CCSER1: variants seen among roughly 807,000 people sequenced by gnomAD.
The protein encoded by CCSER1 is coiled-coil serine rich protein 1.
A neutral mutation model predicts 82.0 loss-of-function variants in CCSER1; 41 were observed. The observed-to-expected ratio is 0.50, with a 90% confidence interval of 0.39 to 0.65. CCSER1 has a LOEUF of 0.65. Ranked by LOEUF, CCSER1 falls within the 30% of genes least tolerant of loss-of-function variation. CCSER1 has a pLI of 0.00. For missense variants in CCSER1, 1,119 were observed against 1,064.2 expected (o/e 1.05, Z -0.72); for synonymous variants, 414 against 383.9 (o/e 1.08, Z -0.92).
chr4:90,572,840 C>A (rs954822484), intron 5 of CCSER1, among the ~76,000 whole-genome samples: 1 of 152,096 alleles, frequency 6.6e-6, no homozygotes, highest in African/African-American at 2.4e-5. Flanking sequence ...TTAGGTTTAG[C>A]CATTGATACC....
At chr4:90,651,206 A>G (rs1347497169) in intron 6 of CCSER1, among the ~76,000 whole-genome samples, 3 of 152,224 alleles carry the variant, frequency 2.0e-5, no homozygotes, top group African/African-American at 7.2e-5. Flanking sequence ...AGCCAAATTC[A>G]TTCTTTATTC....
At chr4:90,717,640 C>G (rs1741861170) in intron 6 of CCSER1, among the ~76,000 whole-genome samples, 1 of 151,944 alleles carries the variant, frequency 6.6e-6, no homozygotes, top group Non-Finnish European at 1.5e-5. Flanking sequence ...GAGTCCAGGC[C>G]TCTTGGCTTC....
chr4:91,482,627 A>G lies in CCSER1; in HGVS notation c.2218-115945A>G, dbSNP rs1436947140. Among the ~76,000 whole-genome samples the G allele has an allele frequency of 2.0e-5, 3 of 152,064 alleles. No individual in the cohort carries two copies. In the East Asian group the frequency reaches 5.8e-4, roughly 29 times the overall value. ...CCAAAGGATTATAAATCATGCTGCT[A>G]TAAAGACACATGCACACGTATATAT... On this transcript the variant is annotated intron_variant, in intron 10 of 10. Transcript: ENST00000509176.
intron 10 of CCSER1, among the ~76,000 whole-genome samples, chr4:91,302,459 A>G (rs943464031): frequency 6.6e-6 from 1 of 151,758 alleles, no homozygotes; most frequent in Admixed American, 6.6e-5. Flanking sequence ...TTCTATAATC[A>G]CTTCTTGACT....
chr4:90,451,260 T>C (rs1213458128), intron 4 of CCSER1, among the ~76,000 whole-genome samples: 1 of 152,158 alleles, frequency 6.6e-6, no homozygotes, highest in Admixed American at 6.5e-5. Flanking sequence ...AGCCTTTCTC[T>C]GTTCATCATG....
In CCSER1 at chr4:90,410,602, C is replaced by T. The variant is rs192571173; in HGVS notation, c.1603+10473C>T. ...CCAACGAGAACAAAGACACAACATA[C>T]GAGCATCTCTGGGACACATTCAAAG... On this transcript the variant is annotated intron_variant, in intron 4 of 10. Transcript: ENST00000509176. Among the ~76,000 whole-genome samples the T allele has an allele frequency of 9.2e-5, 14 of 152,154 alleles. No individual in the cohort carries two copies. In the East Asian group the frequency reaches 1.9e-3, roughly 21 times the overall value.
chr4:91,105,321 C>G (rs1725495803), intron 10 of CCSER1, among the ~76,000 whole-genome samples: 1 of 152,092 alleles, frequency 6.6e-6, no homozygotes, highest in South Asian at 2.1e-4. Context: ...TCCTCTTTGC[C>G]CTCTGCTATT....
chr4:90,760,267 A>G (rs2149516685), intron 7 of CCSER1, among the ~76,000 whole-genome samples: 1 of 152,124 alleles, frequency 6.6e-6, no homozygotes, highest in East Asian at 1.9e-4. Context: ...TGCTGACTGT[A>G]CATAATTTTA....
At chr4:91,500,563 A>T (rs1338389075) in intron 10 of CCSER1, among the ~76,000 whole-genome samples, 1 of 151,882 alleles carries the variant, frequency 6.6e-6, no homozygotes, top group Non-Finnish European at 1.5e-5. Flanking sequence ...AATTTTTGTG[A>T]ATGTTTCATG....
At chr4:91,491,930 A>G (rs1241079396) in intron 10 of CCSER1, among the ~76,000 whole-genome samples, 1 of 149,642 alleles carries the variant, frequency 6.7e-6, no homozygotes, top group African/African-American at 2.4e-5. Flanking sequence ...AGAGGAGTAG[A>G]ATAAGTCATT....
At chr4:91,379,245 T>A (rs368997949) in intron 10 of CCSER1, among the ~76,000 whole-genome samples, 1 of 151,970 alleles carries the variant, frequency 6.6e-6, no homozygotes, top group South Asian at 2.1e-4. Context: ...GGCTTTGGTA[T>A]CAGGATGATG....
chr4:91,586,017 G>T (rs530816171), intron 10 of CCSER1, among the ~76,000 whole-genome samples: 1 of 151,754 alleles, frequency 6.6e-6, no homozygotes, highest in East Asian at 1.9e-4. Flanking sequence ...TAATGGTGTT[G>T]AACTAGAGGG....
intron 10 of CCSER1, among the ~76,000 whole-genome samples, chr4:91,113,324 C>T (rs1726250422): frequency 1.3e-5 from 2 of 152,172 alleles, no homozygotes; most frequent in Admixed American, 1.3e-4. Context: ...ATGTCACTAG[C>T]ACATTTCTGA....
At chr4:91,424,607 A>G (rs947428398) in intron 10 of CCSER1, among the ~76,000 whole-genome samples, 1 of 152,154 alleles carries the variant, frequency 6.6e-6, no homozygotes, top group South Asian at 2.1e-4. Flanking sequence ...AACAGTTTCT[A>G]TCTCATAGGA....
chr4:91,048,252 T>G lies in CCSER1; in HGVS notation c.2173-37698T>G, dbSNP rs1742685476. The stretch of plus-strand genomic sequence containing the variant: ...GTATGAAATAGACATCATATAAGAT[T>G]TATATATAGTTATATATACACACAT... On this transcript the variant is annotated intron_variant, in intron 9 of 10. Transcript: ENST00000509176. Among the ~76,000 whole-genome samples the G allele has an allele frequency of 2.0e-5, 3 of 150,782 alleles. No homozygotes were observed. In the South Asian group the frequency reaches 6.2e-4, roughly 31 times the overall value.
intron 7 of CCSER1, among the ~76,000 whole-genome samples, chr4:90,800,315 C>T (rs184668223): frequency 6.6e-6 from 1 of 152,170 alleles, no homozygotes; most frequent in East Asian, 1.9e-4. Context: ...GTTGCCCAGG[C>T]TGGTCTCATA....
At chr4:90,743,519 T>G (rs1406070543) in intron 7 of CCSER1, among the ~76,000 whole-genome samples, 1 of 152,236 alleles carries the variant, frequency 6.6e-6, no homozygotes, top group Non-Finnish European at 1.5e-5. Flanking sequence ...TCAGAATATG[T>G]AACAAACATT....
At chr4:90,147,290 G>A (rs1725995762) in intron 1 of CCSER1, among the ~76,000 whole-genome samples, 1 of 151,890 alleles carries the variant, frequency 6.6e-6, no homozygotes, top group Admixed American at 6.6e-5. Context: ...CCCCATTGTT[G>A]TTTATAAAAA....
At chr4:90,835,710 G>T (rs2149841368) in intron 8 of CCSER1, among the ~76,000 whole-genome samples, 1 of 152,220 alleles carries the variant, frequency 6.6e-6, no homozygotes, top group East Asian at 1.9e-4. Context: ...GACAGCTTAG[G>T]GAAATTGAAT....
Sources: gnomAD v4.1 joint callset for allele counts (sites outside exome capture counted in the v4.1 genomes callset) on GRCh38, gnomAD v4.1.1 for gene constraint, MANE v1.5 for transcripts, NCBI Gene and HGNC (gene_info 2026-07-23, HGNC 2026-07-21) for gene names.